DUSP22: variants seen among roughly 807,000 people sequenced by gnomAD.
The protein encoded by DUSP22 is dual specificity phosphatase 22.
In DUSP22, 24 loss-of-function variants were observed where a neutral mutation model predicts 24.5. The observed-to-expected ratio is 0.98, with a 90% CI of 0.71 to 1.38. The LOEUF (loss-of-function observed/expected upper bound fraction) is 1.38. Among genes scored for constraint, DUSP22 ranks in the 40% most tolerant of loss-of-function variants. The pLI, the probability that DUSP22 is intolerant of heterozygous loss-of-function variation, is 0.00. For synonymous variants in DUSP22, 160 were observed against 106.4 expected (o/e 1.50, Z -3.10); for missense variants, 330 against 269.2 (o/e 1.23, Z -1.58).
chr6:321,945 A>G (rs964129863), intron 3 of DUSP22, among the ~76,000 whole-genome samples: 4 of 152,304 alleles, frequency 2.6e-5, no homozygotes, highest in Admixed American at 1.3e-4. Context: ...AAGCTCAGTC[A>G]TGGGTGGAAT....
chr6:305,870 T>G (rs1350961639), intron 2 of DUSP22, among the ~76,000 whole-genome samples: 1 of 152,306 alleles, frequency 6.6e-6, no homozygotes, highest in Non-Finnish European at 1.5e-5. Context: ...CCACTCCTGT[T>G]GGCTTTCTGG....
At chr6:346,911 C>T (rs1759908430) in intron 5 of DUSP22, among the ~76,000 whole-genome samples, 2 of 152,304 alleles carry the variant, frequency 1.3e-5, no homozygotes, top group South Asian at 4.1e-4. Flanking sequence ...GTTCTGAGGG[C>T]CGATAGGGAC....
rs1297285489 is a variant in DUSP22 at position 307,256 on chromosome 6, T to G, written c.55+2595T>G. Among the ~76,000 whole-genome samples the G allele has an allele frequency of 2.6e-5, 4 of 152,420 alleles. No homozygotes were observed. In the East Asian group the frequency reaches 7.7e-4, roughly 29 times the overall value. ...AGGAACGTAAACAGTCACTCCCTTC[T>G]TCTGTCCCTTCTCCTTCCTCCCCTC... On this transcript the variant is annotated intron_variant, in intron 2 of 6. Transcript: ENST00000419235.
intron 4 of DUSP22, among the ~76,000 whole-genome samples, chr6:344,534 C>A (rs552996692): frequency 1.3e-5 from 2 of 152,422 alleles, no homozygotes; most frequent in East Asian, 3.9e-4. Flanking sequence ...AAGTGGTCTG[C>A]CCACCTCAGC....
At chr6:302,033 A>C (rs538346552) in intron 1 of DUSP22, among the ~76,000 whole-genome samples, 1 of 152,304 alleles carries the variant, frequency 6.6e-6, no homozygotes, top group Non-Finnish European at 1.5e-5. Context: ...CTCTTGATTT[A>C]AAAAAAGTGC....
chr6:328,803 T>C (rs1220833224), intron 3 of DUSP22, among the ~76,000 whole-genome samples: 1 of 152,306 alleles, frequency 6.6e-6, no homozygotes, highest in African/African-American at 2.4e-5. Flanking sequence ...TTTGGGACTT[T>C]TGCTGTGATG....
At chr6:347,992 C>A in intron 5 of DUSP22, 111 bp from the exon 6 acceptor site, 1 of 1,492,562 alleles carries the variant, frequency 6.7e-7, no homozygotes, top group Non-Finnish European at 9.1e-7. Context: ...TAATCCAAGG[C>A]AGGAAGACTT....
chr6:344,031 C>G (rs1427986573), intron 4 of DUSP22, among the ~76,000 whole-genome samples: 1 of 152,290 alleles, frequency 6.6e-6, no homozygotes, highest in Non-Finnish European at 1.5e-5. Context: ...GAGGTGTCAG[C>G]ACTTAACCCA....
chr6:349,181 G>A lies in DUSP22; in HGVS notation c.*230G>A, dbSNP rs1202949876. 1 of 1,426,290 alleles carries A rather than the reference G, an allele frequency of 7.0e-7. No individual in the cohort carries two copies. The highest frequency in any genetic ancestry group is 2.9e-5 in the Admixed American group (1 of 34,642). The allele number at this position is 1,426,290 out of a possible 1,614,324, so 88.4% of individuals were successfully genotyped here. ...TTGCTGCCCCTGGGGATGTTGCCCAGTGGCTGTGCACTGCTCTGTGCACGT... is the reference window on the plus strand; with the variant it reads ...TTGCTGCCCCTGGGGATGTTGCCCAATGGCTGTGCACTGCTCTGTGCACGT... On this transcript the variant is annotated 3_prime_UTR_variant, in exon 7 of 7. Coordinates refer to ENST00000419235, the MANE Select transcript of DUSP22 (RefSeq NM_001286555.3).
chr6:335,509 C>T (rs1442680744), intron 4 of DUSP22, among the ~76,000 whole-genome samples: 4 of 152,298 alleles, frequency 2.6e-5, no homozygotes, highest in Admixed American at 6.5e-5. Flanking sequence ...TCTAAAGCAG[C>T]GCTGTCCAAT....
At chr6:307,412 G>A (rs1757860256) in intron 2 of DUSP22, among the ~76,000 whole-genome samples, 1 of 152,384 alleles carries the variant, frequency 6.6e-6, no homozygotes, top group South Asian at 2.1e-4. Context: ...AGAAAAAAAA[G>A]CTTTGTAATG....
At chr6:328,956 C>T (rs997478540) in intron 3 of DUSP22, among the ~76,000 whole-genome samples, 1 of 152,302 alleles carries the variant, frequency 6.6e-6, no homozygotes, top group South Asian at 2.1e-4. Flanking sequence ...TGCTTTTTCC[C>T]TTTAACCTTA....
chr6:335,305 A>C (rs1382799030), intron 4 of DUSP22, 142 bp downstream of exon 4: 1 of 1,081,262 alleles, frequency 9.2e-7, no homozygotes, highest in South Asian at 1.4e-5. Context: ...CTGTGAGCCT[A>C]CAGAGGCCAA....
intron 1 of DUSP22, among the ~76,000 whole-genome samples, chr6:300,171 C>T (rs1218226808): frequency 6.6e-6 from 1 of 152,304 alleles, no homozygotes; most frequent in East Asian, 1.9e-4. Flanking sequence ...TGGGCTGTTT[C>T]CCATAAAACA....
Position 351,142 on chromosome 6 carries a change from G to C in DUSP22, c.*2191G>C. On this transcript the variant is annotated 3_prime_UTR_variant, in exon 7 of 7. Coordinates refer to ENST00000419235, the MANE Select transcript of DUSP22 (RefSeq NM_001286555.3). ...GGGAGCCTTGCCGCACTGCCTTGTG[G>C]GTGGCTTGGCGCTCGTGATTGCTTC... 1 of 531,904 alleles carries C rather than the reference G, an allele frequency of 1.9e-6. No individual in the cohort carries two copies. The highest frequency in any genetic ancestry group is 3.3e-6 in the Non-Finnish European group (1 of 306,052). The allele number at this position is 531,904 out of a possible 1,614,324, so 32.9% of individuals were successfully genotyped here.
chr6:333,130 G>A (rs1160041497), intron 3 of DUSP22, among the ~76,000 whole-genome samples: 1 of 152,420 alleles, frequency 6.6e-6, no homozygotes, highest in African/African-American at 2.4e-5. Flanking sequence ...TAGGTTTGAA[G>A]ATACTTTCAG....
chr6:311,832 T>C (rs1262994684), intron 2 of DUSP22, 48 bp from the exon 3 acceptor site: 5 of 1,564,410 alleles, frequency 3.2e-6, no homozygotes, highest in Non-Finnish European at 4.4e-6. Flanking sequence ...TTAGGAGTAA[T>C]TAACTTGCAA....
chr6:342,040 C>G (rs1218822074), intron 4 of DUSP22, among the ~76,000 whole-genome samples: 1 of 152,304 alleles, frequency 6.6e-6, no homozygotes, highest in Non-Finnish European at 1.5e-5. Context: ...AGAAGTGGTC[C>G]CCACTCCAAG....
chr6:337,678 A>C (rs966265556), intron 4 of DUSP22, among the ~76,000 whole-genome samples: 7 of 152,296 alleles, frequency 4.6e-5, no homozygotes, highest in African/African-American at 1.2e-4. Flanking sequence ...TGTTACATGG[A>C]TATAAGGCTT....
Sources: gnomAD v4.1 joint callset for allele counts (sites outside exome capture counted in the v4.1 genomes callset) on GRCh38, gnomAD v4.1.1 for gene constraint, MANE v1.5 for transcripts, NCBI Gene and HGNC (gene_info 2026-07-23, HGNC 2026-07-21) for gene names.